The following PXK variants were observed in gnomAD, a reference collection of about 807,000 sequenced individuals.
The protein encoded by PXK is PX domain containing serine/threonine kinase like.
A neutral mutation model predicts 84.7 loss-of-function variants in PXK; 35 were observed. The ratio of observed to expected loss-of-function variants is 0.41; its 90% CI spans 0.32 to 0.55. The LOEUF is 0.55. Among genes scored for constraint, PXK ranks in the 20% least tolerant of loss-of-function variants. PXK has a pLI of 0.21. For missense variants in PXK, 634 were observed against 699.7 expected (o/e 0.91, Z 1.06); for synonymous variants, 253 against 260.8 (o/e 0.97, Z 0.29).
chr3:58,387,423 A>T (rs2098562555), intron 4 of PXK, among the ~76,000 whole-genome samples: 1 of 152,150 alleles, frequency 6.6e-6, no homozygotes, highest in Non-Finnish European at 1.5e-5. Context: ...AGCCAGGAGG[A>T]AAGAATAATT....
chr3:58,421,140 C>T lies in PXK; in HGVS notation c.1529-3612C>T. On this transcript the variant is annotated intron_variant, in intron 17 of 17. Coordinates refer to ENST00000356151, the MANE Select transcript of PXK (RefSeq NM_017771.5). The surrounding 1 kb of genome is among the most constrained non-coding windows in gnomAD (Gnocchi z 5.5). ...CTGGGGGCTTGCCTGCTTCGGTTCT[C>T]TCCTGAGGGTGGCTGGTAAGTCTGG... 1 of 985,444 alleles carries T rather than the reference C, an allele frequency of 1.0e-6. No individual in the cohort carries two copies. Among genetic ancestry groups the T allele is most frequent in the Non-Finnish European group, 1.2e-6 (1 of 829,934 alleles). The allele number at this position is 985,444 out of a possible 1,614,324, so 61.0% of individuals were successfully genotyped here.
rs1480670703 is a variant in PXK at position 58,364,888 on chromosome 3, A to G, written c.103-986A>G. On this transcript the variant is annotated intron_variant, in intron 1 of 17. Coordinates refer to ENST00000356151, the MANE Select transcript of PXK (RefSeq NM_017771.5). The surrounding 1 kb of genome is among the most constrained non-coding windows in gnomAD (Gnocchi z 4.3). The stretch of plus-strand genomic sequence containing the variant: ...TCTGCACAGTCTGTAGTGGTATCCT[A>G]ATTCATTCTTGATATTAATAATACA... Among the ~76,000 whole-genome samples the G allele has an allele frequency of 6.6e-6, 1 of 152,030 alleles. No individual in the cohort carries two copies. Among genetic ancestry groups the G allele is most frequent in the Non-Finnish European group, 1.5e-5 (1 of 67,998 alleles).
rs1451583616 is a variant in PXK at position 58,378,492 on chromosome 3, C to CTTCTT, written c.202-4020_202-4019insCTTTT. 9.8e-3 allele frequency among the ~76,000 whole-genome samples: 239 copies of CTTCTT among 24,290 alleles called. 37 individuals are homozygous for CTTCTT. The highest frequency in any genetic ancestry group is 0.085 in the East Asian group (33 of 386). 15.9% of individuals were successfully genotyped at this position (24,290 alleles called of 152,430 possible). On this transcript the variant is annotated intron_variant, in intron 3 of 17. Coordinates refer to ENST00000356151, the MANE Select transcript of PXK (RefSeq NM_017771.5). Reference sequence around the variant, plus strand: ...ATTGGATTTGGACTTCATTTTTCTTCTTTTTTTTTTTTTTTTTTTTTGTGT... The same window carrying CTTCTT: ...ATTGGATTTGGACTTCATTTTTCTTCTTCTTTTTTTTTTTTTTTTTTTTTTTGTGT...
rs1390484412 is a variant in PXK at position 58,383,057 on chromosome 3, C to G, written c.388+357C>G. 1.3e-5 allele frequency among the ~76,000 whole-genome samples: 2 copies of G among 152,174 alleles called. No homozygotes were observed. Among genetic ancestry groups the G allele is most frequent in the African/African-American group, 4.8e-5 (2 of 41,436 alleles). ...CTATAATCCCAGCACTTTGGGAGGC[C>G]AAGGCGGTTGGATCACCTGAGGTCA... On this transcript the variant is annotated intron_variant, in intron 4 of 17. Transcript: ENST00000356151. The surrounding 1 kb of genome is among the most constrained non-coding windows in gnomAD (Gnocchi z 4.0).
At chr3:58,424,370 C>T (rs2062487006) in intron 17 of PXK, among the ~76,000 whole-genome samples, 1 of 152,174 alleles carries the variant, frequency 6.6e-6, no homozygotes, top group African/African-American at 2.4e-5. Context: ...ATTGCTAGCT[C>T]AGAAGCAGAC....
chr3:58,397,227 A>G lies in PXK; in HGVS notation c.984+27A>G. 3 of 1,607,398 alleles carry G rather than the reference A, an allele frequency of 1.9e-6. No homozygotes were observed. The highest frequency in any genetic ancestry group is 2.6e-6 in the Non-Finnish European group (3 of 1,174,472). On this transcript the variant is annotated intron_variant, in intron 10 of 17. Transcript: ENST00000356151. The surrounding 1 kb of genome is among the most constrained non-coding windows in gnomAD (Gnocchi z 4.7). The stretch of plus-strand genomic sequence containing the variant: ...TAAGTTGCTAAAGTAATGAAATAGC[A>G]GGTTCATTTTTAGGTGTCAGTTATC...
intron 17 of PXK, among the ~76,000 whole-genome samples, chr3:58,419,799 T>C (rs1171339377): frequency 6.6e-6 from 1 of 152,250 alleles, no homozygotes; most frequent in East Asian, 1.9e-4. Flanking sequence ...TTAGGAACTC[T>C]GAGATTTACC....
At chr3:58,355,390 C>T (rs1004529320) in intron 1 of PXK, among the ~76,000 whole-genome samples, 6 of 152,022 alleles carry the variant, frequency 3.9e-5, no homozygotes, top group Non-Finnish European at 8.8e-5. Context: ...ATAGCTGTGC[C>T]GAAAGGGAAG....
intron 1 of PXK, among the ~76,000 whole-genome samples, chr3:58,342,235 G>T (rs2107772322): frequency 6.6e-6 from 1 of 152,188 alleles, no homozygotes; most frequent in Non-Finnish European, 1.5e-5. Flanking sequence ...TCATCACAGG[G>T]ACTGCTTCCC....
chr3:58,357,866 T>C (rs538214938), intron 1 of PXK, among the ~76,000 whole-genome samples: 19 of 151,974 alleles, frequency 1.3e-4, no homozygotes, highest in African/African-American at 4.1e-4. Context: ...AGGAGAATTA[T>C]ATGAACCCGG....
chr3:58,421,082 T>G lies in PXK; in HGVS notation c.1529-3670T>G, dbSNP rs2061761047. On this transcript the variant is annotated intron_variant, in intron 17 of 17. Coordinates refer to ENST00000356151, the MANE Select transcript of PXK (RefSeq NM_017771.5). This position sits in a 1 kb window ranked among gnomAD's most constrained non-coding sequence, Gnocchi z 5.5. The stretch of plus-strand genomic sequence containing the variant: ...CAGGAGTACAGCCTCCTCACCTGCC[T>G]GAAGCCAAAGGAGAAGGTGGTTCTC... 1 of 992,952 alleles carries G rather than the reference T, an allele frequency of 1.0e-6. No homozygotes were observed. The highest frequency in any genetic ancestry group is 1.7e-5 in the African/African-American group (1 of 57,286). The allele number at this position is 992,952 out of a possible 1,614,324, so 61.5% of individuals were successfully genotyped here. A position where few individuals can be genotyped will look rare whatever the true frequency, so the allele number is the denominator to read the frequency against.
At chr3:58,357,093 A>G (rs1450544722) in intron 1 of PXK, among the ~76,000 whole-genome samples, 1 of 150,410 alleles carries the variant, frequency 6.6e-6, no homozygotes, top group Admixed American at 6.6e-5. Flanking sequence ...ATTCTGGCCA[A>G]CATGGTGAAA....
At chr3:58,392,258 C>G (rs1167793977) in intron 7 of PXK, among the ~76,000 whole-genome samples, 5 of 152,168 alleles carry the variant, frequency 3.3e-5, no homozygotes, top group African/African-American at 1.2e-4. Context: ...TGAGTTACTA[C>G]CTTCACAGGC....
intron 1 of PXK, among the ~76,000 whole-genome samples, chr3:58,346,290 G>A (rs1028311722): frequency 4.6e-5 from 7 of 151,304 alleles, no homozygotes; most frequent in African/African-American, 1.7e-4. Context: ...TTTGCTGTCT[G>A]TGTGCAAGGT....
Position 58,397,701 on chromosome 3 carries a change from C to T in PXK, c.1081C>T (p.Pro361Ser). The change falls in exon 11 of 18, where the codon CCT (proline) becomes TCT (serine). Residue 361 changes from proline to serine, a missense_variant. Physicochemically the swap from Pro to Ser is moderately conservative, Grantham distance 74. This residue lies in a region of PXK where 273 missense variants were observed against 283.6 expected (regional missense o/e 0.96). Coordinates refer to ENST00000356151, the MANE Select transcript of PXK (RefSeq NM_017771.5). The surrounding 1 kb of genome is among the most constrained non-coding windows in gnomAD (Gnocchi z 4.7). Reference protein sequence around the residue: ...PDSVPVDSFPPAPSMAVVAVL... With the variant: ...PDSVPVDSFPSAPSMAVVAVL... ...CTCGGTGCCTGTGGACTCCTTCCCT[C>T]CTGCCCCGTCCATGGCTGTGGGTCA... The T allele has an allele frequency of 6.2e-7, 1 of 1,613,792 alleles. No individual in the cohort carries two copies. The highest frequency in any genetic ancestry group is 8.5e-7 in the Non-Finnish European group (1 of 1,179,748).
Position 58,397,844 on chromosome 3 carries a change from C to A in PXK, c.1102+122C>A, listed in dbSNP as rs1369339311. On this transcript the variant is annotated intron_variant, in intron 11 of 17. Transcript: ENST00000356151. This position sits in a 1 kb window ranked among gnomAD's most constrained non-coding sequence, Gnocchi z 4.7. The stretch of plus-strand genomic sequence containing the variant: ...TGTCCTCCACAGCCAGAAATTCTTA[C>A]AAAATTTAAAAGTAGACCAAATTTG... 4.0e-6 allele frequency: 3 copies of A among 755,262 alleles called. No individual in the cohort carries two copies. Among genetic ancestry groups the A allele is most frequent in the Non-Finnish European group, 6.4e-6 (3 of 470,818 alleles). The allele number at this position is 755,262 out of a possible 1,614,324, so 46.8% of individuals were successfully genotyped here.
rs891597797 is a variant in PXK, at chr3:58,414,141, A to G, written c.1528+1178A>G. The G allele has an allele frequency of 2.8e-5, 4 of 144,630 alleles. No homozygotes were observed. The Admixed American group carries it at 2.8e-4, about 10-fold the overall frequency. The allele number at this position is 144,630 out of a possible 1,614,324, so 9.0% of individuals were successfully genotyped here. On this transcript the variant is annotated intron_variant, in intron 17 of 17. Transcript: ENST00000356151. The surrounding 1 kb of genome is among the most constrained non-coding windows in gnomAD (Gnocchi z 4.5). ...TAGGCCTTTTTTGTCTTTTATGGAG[A>G]TACACTGTTTAGGCTGATCAGAAAT...
In PXK at chr3:58,379,780, T is replaced by TA. The variant is rs2098480692; in HGVS notation, c.202-2734_202-2733insA. Among the ~76,000 whole-genome samples, 2 of 151,570 alleles carry TA rather than the reference T, an allele frequency of 1.3e-5. No individual in the cohort carries two copies. Among genetic ancestry groups the TA allele is most frequent in the Non-Finnish European group, 2.9e-5 (2 of 67,884 alleles). ...GGCTAAAAGATAAAGGAAATACTCTTTAAAAAAAAGAAAAGCGAAATACAA... is the reference window on the plus strand; with the variant it reads ...GGCTAAAAGATAAAGGAAATACTCTTATAAAAAAAAGAAAAGCGAAATACAA... On this transcript the variant is annotated intron_variant, in intron 3 of 17. Coordinates refer to ENST00000356151, the MANE Select transcript of PXK (RefSeq NM_017771.5). The surrounding 1 kb of genome is among the most constrained non-coding windows in gnomAD (Gnocchi z 5.1).
intron 13 of PXK, among the ~76,000 whole-genome samples, chr3:58,406,313 G>A (rs1300234258): frequency 7.1e-6 from 1 of 140,980 alleles, no homozygotes; most frequent in African/African-American, 2.6e-5. Context: ...GCGATTTTTT[G>A]TTGCCAGGCT....
Sources: allele counts gnomAD v4.1 joint callset (sites outside exome capture counted in the v4.1 genomes callset), GRCh38; gene constraint gnomAD v4.1.1; regional missense constraint gnomAD v4.1.1; non-coding constraint Gnocchi (gnomAD v3.1); transcripts MANE v1.5; gene names NCBI Gene and HGNC (gene_info 2026-07-23, HGNC 2026-07-21).